Variants in ARFGEF1 observed in about 807,000 individuals in gnomAD.
ARFGEF1 encodes brefeldin A-inhibited guanine nucleotide-exchange protein 1.
In ARFGEF1, 42 loss-of-function variants were observed where a neutral mutation model predicts 231.0. The observed-to-expected ratio is 0.18, with a 90% CI of 0.14 to 0.24. The LOEUF is 0.24. Among genes scored for constraint, ARFGEF1 ranks in the 10% least tolerant of loss-of-function variants. The pLI is 1.00. For synonymous variants in ARFGEF1, 710 were observed against 732.3 expected (o/e 0.97, Z 0.49); for missense variants, 1,345 against 2,192.0 (o/e 0.61, Z 7.72).
chr8:67,175,221 C>A, downstream of ARFGEF1: 1 of 1,077,560 alleles, frequency 9.3e-7, no homozygotes, highest in Non-Finnish European at 1.4e-6. Context: ...ACTCATGTTA[C>A]TTACAGTGAA....
intron 1 of ARFGEF1, among the ~76,000 whole-genome samples, chr8:67,323,150 G>C (rs1377893770): frequency 6.6e-6 from 1 of 152,154 alleles, no homozygotes; most frequent in Non-Finnish European, 1.5e-5. Context: ...TACTCGGGAG[G>C]CTGAGGCAGG....
chr8:67,296,495 G>A lies in ARFGEF1; in HGVS notation c.575C>T (p.Thr192Ile). The A allele has an allele frequency of 1.2e-6, 2 of 1,613,920 alleles. No individual in the cohort carries two copies. The highest frequency in any genetic ancestry group is 1.7e-5 in the Admixed American group (1 of 60,000). Residue 192 changes from threonine (T) to isoleucine (I), a missense_variant, in exon 5 of 39, where the codon ACA (threonine) becomes ATA (isoleucine). Thr to Ile is a moderately conservative substitution (Grantham distance 89). Transcript: ENST00000262215. ...CTGAGTGAGAGTAGCTTTGGCTGTT[G>A]TCTGATTGATGAGATTTTTGCTTGC... ...YLASKNLINQ[T>I]TAKATLTQML...
intron 1 of ARFGEF1, among the ~76,000 whole-genome samples, chr8:67,305,677 C>T (rs1056820430): frequency 1.3e-5 from 2 of 152,080 alleles, no homozygotes; most frequent in African/African-American, 4.8e-5. Context: ...TAGTGTATTA[C>T]CCAATACATT....
intron 1 of ARFGEF1, among the ~76,000 whole-genome samples, chr8:67,319,909 A>G (rs541077119): frequency 7.2e-5 from 11 of 152,280 alleles, no homozygotes; most frequent in African/African-American, 2.4e-4. Flanking sequence ...GGATATGCAC[A>G]TGGCAAATAA....
chr8:67,271,942 AT>A lies in ARFGEF1; in HGVS notation c.1338-7del. The A allele has an allele frequency of 6.3e-7, 1 of 1,584,836 alleles. No homozygotes were observed. The highest frequency in any genetic ancestry group is 8.6e-7 in the Non-Finnish European group (1 of 1,161,904). On this transcript the variant is annotated splice_polypyrimidine_tract_variant and splice_region_variant and intron_variant, in intron 9 of 38. Coordinates refer to ENST00000262215, the MANE Select transcript of ARFGEF1 (RefSeq NM_006421.5). Reference sequence around the variant, plus strand: ...TGGATCGTAGTTCATGAGACCTAAAATGTAAAAAAGAAGGCATAGTATATGA... The same window carrying A: ...TGGATCGTAGTTCATGAGACCTAAAAGTAAAAAAGAAGGCATAGTATATGA...
intron 1 of ARFGEF1, among the ~76,000 whole-genome samples, chr8:67,312,801 TA>T (rs1205535468): frequency 1.3e-5 from 2 of 152,178 alleles, no homozygotes; most frequent in Non-Finnish European, 2.9e-5. Context: ...TAAATGGAGC[TA>T]AGGTTTTTCT....
chr8:67,329,253 G>A (rs912986668), intron 1 of ARFGEF1, among the ~76,000 whole-genome samples: 29 of 150,966 alleles, frequency 1.9e-4, no homozygotes, highest in African/African-American at 7.1e-4. Flanking sequence ...AACAATTCAG[G>A]ATAAAAATAA....
At chr8:67,196,199 T>A (rs1046498772), downstream of ARFGEF1, 1 of 152,236 alleles carries the variant, frequency 6.6e-6, no homozygotes, top group Non-Finnish European at 1.5e-5. Flanking sequence ...GGCATTTGTC[T>A]TGTTACTAAT....
intron 22 of ARFGEF1, among the ~76,000 whole-genome samples, chr8:67,236,349 T>TTAAAAAAAAA (rs1468178393): frequency 3.6e-4 from 5 of 13,956 alleles, no homozygotes; most frequent in African/African-American, 1.2e-3. Context: ...AGATATTAGT[T>TTAAAAAAAAA]AAAAAAAAAA....
intron 18 of ARFGEF1, among the ~76,000 whole-genome samples, chr8:67,252,607 C>T (rs763556687): frequency 4.6e-5 from 7 of 152,052 alleles, no homozygotes; most frequent in Non-Finnish European, 1.0e-4. Context: ...TGCAGGAATC[C>T]TCTTTCTATA....
intron 5 of ARFGEF1, 63 bp downstream of exon 5, chr8:67,296,368 A>ACTCCTTT (rs1806232327): frequency 1.4e-6 from 2 of 1,440,288 alleles, no homozygotes; most frequent in South Asian, 1.4e-5. Flanking sequence ...ATTACTGTAA[A>ACTCCTTT]CTCCTTTCTA....
At chr8:67,193,739 G>A, downstream of ARFGEF1, 1 of 638,180 alleles carries the variant, frequency 1.6e-6, no homozygotes, top group South Asian at 2.7e-5. Flanking sequence ...CCAAGACATA[G>A]TAACTATTGA....
At chr8:67,302,043 C>CA (rs1248455513) in intron 2 of ARFGEF1, among the ~76,000 whole-genome samples, 14 of 151,996 alleles carry the variant, frequency 9.2e-5, no homozygotes, top group Middle Eastern at 3.4e-3. Context: ...CCCATCTCTA[C>CA]AAAAAATTAG....
chr8:67,274,581 A>C (rs1419544062), intron 9 of ARFGEF1, among the ~76,000 whole-genome samples: 1 of 152,060 alleles, frequency 6.6e-6, no homozygotes, highest in Non-Finnish European at 1.5e-5. Context: ...TCTTTTTTTC[A>C]GGAATAAATG....
At position 67,292,050 on chromosome 8, in the gene ARFGEF1, T is replaced by A; in HGVS notation, c.713A>T (p.His238Leu). The change falls in exon 6 of 39, where the codon CAT (histidine) becomes CTT (leucine). Residue 238 changes from histidine (H) to leucine (L), a missense_variant. By Grantham distance (99) the His-to-Leu change is moderately conservative. Transcript: ENST00000262215. The part of the protein sequence containing the change: ...HHHLLQSPVS[H>L]HEPESPQLRY... ...AAGTTGAGGTGATTCAGGCTCGTGA[T>A]GGCTTACTGGAGACTGTAACAGATG... The A allele has an allele frequency of 6.2e-7, 1 of 1,614,018 alleles. No individual in the cohort carries two copies. Among genetic ancestry groups the A allele is most frequent in the Non-Finnish European group, 8.5e-7 (1 of 1,179,884 alleles).
chr8:67,340,355 A>T (rs1458400448), intron 1 of ARFGEF1, among the ~76,000 whole-genome samples: 2 of 151,150 alleles, frequency 1.3e-5, no homozygotes, highest in Non-Finnish European at 3.0e-5. Flanking sequence ...ACACCTACCC[A>T]CTCACAATCT....
intron 1 of ARFGEF1, among the ~76,000 whole-genome samples, chr8:67,339,790 T>TGGGGTGGGGGGGGGGGGGGGGGGG (rs1479485264): frequency 2.4e-3 from 1 of 424 alleles, no homozygotes; most frequent in African/African-American, 4.9e-3. Context: ...TGTAACAGTG[T>TGGGGTGGGGGGGGGGGGGGGGGGG]GGGGCGGGGG....
chr8:67,175,350 A>G, downstream of ARFGEF1: 1 of 1,614,044 alleles, frequency 6.2e-7, no homozygotes, highest in South Asian at 1.1e-5. Flanking sequence ...CCAAGAGATC[A>G]TCACACCTTA....
chr8:67,268,768 A>G (rs1337695175), intron 10 of ARFGEF1, among the ~76,000 whole-genome samples: 1 of 152,206 alleles, frequency 6.6e-6, no homozygotes, highest in Non-Finnish European at 1.5e-5. Context: ...TATGCATACT[A>G]TTGTCTTTGA....
Sources: gnomAD v4.1 joint callset for allele counts (sites outside exome capture counted in the v4.1 genomes callset) on GRCh38, gnomAD v4.1.1 for gene constraint, MANE v1.5 for transcripts, NCBI Gene and HGNC (gene_info 2026-07-23, HGNC 2026-07-21) for gene names.